The following APBA2 variants were observed in gnomAD, a reference collection of about 807,000 sequenced individuals.
APBA2 encodes the protein amyloid beta precursor protein binding family A member 2, also known as amyloid-beta A4 precursor protein-binding family A member 2.
Under a neutral mutation model 75.0 loss-of-function variants are expected in APBA2, and 30 were observed. The observed-to-expected ratio is 0.40, with a 90% CI of 0.30 to 0.54. The LOEUF (loss-of-function observed/expected upper bound fraction) is 0.54, where lower values mean the gene tolerates loss of function less well. Ranked by LOEUF, APBA2 falls within the 20% of genes least tolerant of loss-of-function variation. The pLI is 0.49. For missense variants in APBA2, 801 were observed against 1,016.1 expected (o/e 0.79, Z 2.88); for synonymous variants, 444 against 409.6 (o/e 1.08, Z -1.01).
At chr15:28,908,616 G>T (rs1474770946) in intron 1 of APBA2, among the ~76,000 whole-genome samples, 1 of 152,036 alleles carries the variant, frequency 6.6e-6, no homozygotes, top group East Asian at 1.9e-4. Context: ...GCCCACTGAG[G>T]TTATTGTTGA....
chr15:28,913,914 G>A (rs536976856), intron 1 of APBA2, among the ~76,000 whole-genome samples: 1 of 152,250 alleles, frequency 6.6e-6, no homozygotes, highest in Non-Finnish European at 1.5e-5. Context: ...CTCCTGTCCT[G>A]GGCTGCAGTG....
At chr15:28,954,161 G>C (rs563491576) in intron 2 of APBA2, among the ~76,000 whole-genome samples, 4 of 152,186 alleles carry the variant, frequency 2.6e-5, no homozygotes, top group Admixed American at 2.6e-4. Context: ...TGGTCACACC[G>C]GCACCGCTGC....
At chr15:28,920,675 A>C (rs1234486984) in intron 1 of APBA2, among the ~76,000 whole-genome samples, 1 of 152,160 alleles carries the variant, frequency 6.6e-6, no homozygotes, top group Non-Finnish European at 1.5e-5. Context: ...ATCAAGTTGG[A>C]AGGCAGCAGC....
intron 4 of APBA2, among the ~76,000 whole-genome samples, chr15:29,055,861 C>T (rs1314903122): frequency 6.6e-6 from 1 of 152,164 alleles, no homozygotes; most frequent in African/African-American, 2.4e-5. Context: ...GGGGGTGTTC[C>T]TGTCATTCAC....
chr15:29,060,646 C>T (rs1039412233), intron 4 of APBA2, among the ~76,000 whole-genome samples: 2 of 152,274 alleles, frequency 1.3e-5, no homozygotes, highest in South Asian at 2.1e-4. Context: ...CGGAAGCCTC[C>T]GGTCTGTAAA....
intron 3 of APBA2, among the ~76,000 whole-genome samples, chr15:29,023,580 C>T (rs979570686): frequency 3.4e-5 from 5 of 148,780 alleles, no homozygotes; most frequent in South Asian, 4.3e-4. Context: ...CTCAGCCTCC[C>T]GAGTAACTGT....
At chr15:29,042,851 C>T (rs919708587) in intron 3 of APBA2, among the ~76,000 whole-genome samples, 2 of 152,166 alleles carry the variant, frequency 1.3e-5, no homozygotes, top group Middle Eastern at 3.4e-3. Context: ...CTTCTTTGCA[C>T]GGGGTCCTGG....
intron 6 of APBA2, among the ~76,000 whole-genome samples, chr15:29,090,414 A>T (rs558886520): frequency 1.3e-5 from 2 of 152,338 alleles, no homozygotes; most frequent in South Asian, 4.1e-4. Context: ...ATGGGTCAAC[A>T]TGGAAATGTG....
At chr15:28,979,962 G>T (rs989057468) in intron 2 of APBA2, among the ~76,000 whole-genome samples, 32 of 152,236 alleles carry the variant, frequency 2.1e-4, no homozygotes, top group Non-Finnish European at 3.8e-4. Flanking sequence ...TATGTGGCTA[G>T]TTAAAAGAAA....
intron 2 of APBA2, among the ~76,000 whole-genome samples, chr15:28,983,446 A>G (rs902770713): frequency 2.0e-5 from 3 of 152,148 alleles, no homozygotes; most frequent in African/African-American, 4.8e-5. Context: ...ATGCGTGACA[A>G]TTCTGTGTTT....
At chr15:29,014,120 C>T (rs1273566014) in intron 3 of APBA2, among the ~76,000 whole-genome samples, 1 of 152,216 alleles carries the variant, frequency 6.6e-6, no homozygotes, top group Non-Finnish European at 1.5e-5. Context: ...ATTGGAGAAT[C>T]CCCACAGACT....
At chr15:29,088,261 G>C (rs940566530) in intron 6 of APBA2, among the ~76,000 whole-genome samples, 1 of 152,106 alleles carries the variant, frequency 6.6e-6, no homozygotes, top group Admixed American at 6.6e-5. Context: ...GCTTCATCCT[G>C]CCCCCTTGCC....
chr15:29,024,265 A>T (rs1299690535), intron 3 of APBA2, among the ~76,000 whole-genome samples: 1 of 152,194 alleles, frequency 6.6e-6, no homozygotes, highest in African/African-American at 2.4e-5. Context: ...TTCAGCGTGC[A>T]CTTTAAAAAT....
At chr15:29,110,017 C>T (rs911309123) in intron 13 of APBA2, among the ~76,000 whole-genome samples, 1 of 152,250 alleles carries the variant, frequency 6.6e-6, no homozygotes, top group Non-Finnish European at 1.5e-5. Context: ...CCTGACTGCT[C>T]TGCACACATG....
At chr15:29,104,502 A>T (rs2044298968) in intron 10 of APBA2, among the ~76,000 whole-genome samples, 1 of 152,254 alleles carries the variant, frequency 6.6e-6, no homozygotes, top group Admixed American at 6.5e-5. Flanking sequence ...TTCAGTGTCC[A>T]GGCCTTTGCC....
chr15:28,946,033 G>C (rs752634561), intron 2 of APBA2, among the ~76,000 whole-genome samples: 9 of 152,206 alleles, frequency 5.9e-5, no homozygotes, highest in African/African-American at 1.2e-4. Context: ...TGCAAATGTG[G>C]GCGGCCCAGT....
At chr15:29,038,798 C>T (rs770695030) in intron 3 of APBA2, among the ~76,000 whole-genome samples, 14 of 151,616 alleles carry the variant, frequency 9.2e-5, no homozygotes, top group Non-Finnish European at 2.1e-4. Context: ...CTCAGCCTCC[C>T]GAGTAGCTGG....
intron 4 of APBA2, among the ~76,000 whole-genome samples, chr15:29,065,004 A>AGTGTGTGTGTGTGT (rs35524060): frequency 6.7e-6 from 1 of 148,652 alleles, no homozygotes; most frequent in African/African-American, 2.5e-5. Flanking sequence ...AGGTGCTCAT[A>AGTGTGTGTGTGTGT]GTGTGTGTGT....
rs993216254 is a variant in APBA2 at position 29,046,437 on chromosome 15, C to G, written c.-40-7408C>G. ...AAGAAGCTGGGGACAGTTGTCCTTG[C>G]TCTCCACCCCCTGGAGTAGGGGAAG... On this transcript the variant is annotated intron_variant, in intron 3 of 14. Transcript: ENST00000683413. The surrounding 1 kb of genome is among the most constrained non-coding windows in gnomAD (Gnocchi z 5.0). Among the ~76,000 whole-genome samples the G allele has an allele frequency of 4.6e-5, 7 of 152,184 alleles. No individual in the cohort carries two copies. Among genetic ancestry groups the G allele is most frequent in the Non-Finnish European group, 8.8e-5 (6 of 68,024 alleles).
Sources: allele counts gnomAD v4.1 joint callset (sites outside exome capture counted in the v4.1 genomes callset), GRCh38; gene constraint gnomAD v4.1.1; non-coding constraint Gnocchi (gnomAD v3.1); transcripts MANE v1.5; gene names NCBI Gene and HGNC (gene_info 2026-07-23, HGNC 2026-07-21).